MGAT4C: variants seen among roughly 807,000 people sequenced by gnomAD.
The protein encoded by MGAT4C is MGAT4 family member C, also known as alpha-1,3-mannosyl-glycoprotein 4-beta-N-acetylglucosaminyltransferase C.
In MGAT4C, 19 loss-of-function variants were observed where a neutral mutation model predicts 40.1. That is an observed-to-expected ratio of 0.47 (90% CI 0.33 to 0.70). MGAT4C has a LOEUF of 0.70. Ranked by LOEUF, MGAT4C falls within the 30% of genes least tolerant of loss-of-function variation. MGAT4C has a pLI of 0.02. For missense variants in MGAT4C, 491 were observed against 563.2 expected, an observed-to-expected ratio of 0.87 and a Z score of 1.30; for synonymous variants, 181 against 187.1, an observed-to-expected ratio of 0.97 and a Z score of 0.27.
At chr12:86,420,594 C>A (rs1434448063) in intron 3 of MGAT4C, among the ~76,000 whole-genome samples, 1 of 151,768 alleles carries the variant, frequency 6.6e-6, no homozygotes, top group Non-Finnish European at 1.5e-5. Context: ...AAGAAATAAA[C>A]CGTAGAAAAA....
chr12:86,318,811 A>C (rs1954306900), intron 4 of MGAT4C, among the ~76,000 whole-genome samples: 2 of 152,158 alleles, frequency 1.3e-5, no homozygotes, highest in African/African-American at 4.8e-5. Flanking sequence ...ATTATTTAGG[A>C]TCATCCCAGG....
intron 2 of MGAT4C, among the ~76,000 whole-genome samples, chr12:86,653,224 C>G (rs1447545268): frequency 6.6e-6 from 1 of 151,762 alleles, no homozygotes; most frequent in Non-Finnish European, 1.5e-5. Context: ...AAGTTTATTT[C>G]TCTCACATAC....
intron 3 of MGAT4C, among the ~76,000 whole-genome samples, chr12:86,357,303 C>A (rs894785667): frequency 6.6e-6 from 1 of 152,124 alleles, no homozygotes; most frequent in African/African-American, 2.4e-5. Flanking sequence ...AGGACATCCA[C>A]ACCAAAACCC....
chr12:86,141,890 A>T (rs1428581882), intron 1 of MGAT4C, among the ~76,000 whole-genome samples: 1 of 152,072 alleles, frequency 6.6e-6, no homozygotes, highest in Admixed American at 6.6e-5. Flanking sequence ...CCAAGAAGAG[A>T]CCCGACAAAA....
intron 2 of MGAT4C, among the ~76,000 whole-genome samples, chr12:86,585,380 C>T (rs1456721738): frequency 6.6e-6 from 1 of 151,258 alleles, no homozygotes; most frequent in East Asian, 1.9e-4. Flanking sequence ...ACTAGACATT[C>T]TTTTTGTCTA....
At chr12:86,052,128 T>C (rs1277709134) in intron 1 of MGAT4C, among the ~76,000 whole-genome samples, 1 of 151,790 alleles carries the variant, frequency 6.6e-6, no homozygotes, top group Non-Finnish European at 1.5e-5. Flanking sequence ...CATAATAAGA[T>C]AATTATACAT....
intron 2 of MGAT4C, among the ~76,000 whole-genome samples, chr12:86,479,605 T>A (rs1957900025): frequency 1.3e-5 from 2 of 151,968 alleles, no homozygotes; most frequent in African/African-American, 4.8e-5. Context: ...TCTTCCCAAA[T>A]TTGATTTAAA....
At chr12:86,531,878 A>G (rs886598704) in intron 2 of MGAT4C, among the ~76,000 whole-genome samples, 2 of 152,010 alleles carry the variant, frequency 1.3e-5, no homozygotes, top group Non-Finnish European at 2.9e-5. Context: ...TTTAATAAAC[A>G]TGAAATCCCT....
chr12:86,810,743 C>T (rs113356923), intron 1 of MGAT4C, among the ~76,000 whole-genome samples: 2,571 of 150,916 alleles, frequency 0.017, 31 homozygotes, highest in Middle Eastern at 0.055. Flanking sequence ...TTTTGAGATT[C>T]CTTATATATC....
Position 86,275,540 on chromosome 12 carries a change from A to G in MGAT4C, c.-57+58525T>C, listed in dbSNP as rs535255289. Among the ~76,000 whole-genome samples the G allele has an allele frequency of 5.9e-5, 9 of 152,204 alleles. No homozygotes were observed. In the South Asian group the frequency reaches 1.7e-3, roughly 28 times the overall value. On this transcript the variant is annotated intron_variant, in intron 4 of 7. Coordinates refer to the MGAT4C transcript ENST00000548651. The stretch of plus-strand genomic sequence containing the variant: ...TTACTTGGCAAAAGGAAAGTTGCAA[A>G]TATGATTAAGTCAAAGCTCTTGAGA...
intron 2 of MGAT4C, among the ~76,000 whole-genome samples, chr12:86,564,093 C>T (rs1218915044): frequency 6.6e-6 from 1 of 152,066 alleles, no homozygotes; most frequent in African/African-American, 2.4e-5. Context: ...TTGAAAGATG[C>T]AGGGGTGGTG....
chr12:86,336,847 A>G (rs1407944165), intron 3 of MGAT4C, among the ~76,000 whole-genome samples: 2 of 152,194 alleles, frequency 1.3e-5, no homozygotes, highest in African/African-American at 4.8e-5. Flanking sequence ...CAATATTTGT[A>G]TGCGAGTTCA....
chr12:86,156,399 C>T (rs894179893), intron 1 of MGAT4C, among the ~76,000 whole-genome samples: 6 of 151,976 alleles, frequency 3.9e-5, no homozygotes, highest in African/African-American at 1.2e-4. Flanking sequence ...CTCGGCTCAC[C>T]GCAACCTCCG....
chr12:86,508,473 G>A (rs1196097762), intron 2 of MGAT4C, among the ~76,000 whole-genome samples: 1 of 152,038 alleles, frequency 6.6e-6, no homozygotes, highest in African/African-American at 2.4e-5. Context: ...GGACATTTGG[G>A]TTGGTTCCAA....
chr12:86,147,961 T>C (rs1883769357), intron 1 of MGAT4C, among the ~76,000 whole-genome samples: 1 of 152,228 alleles, frequency 6.6e-6, no homozygotes, highest in South Asian at 2.1e-4. Flanking sequence ...GCCTCTTGAT[T>C]TCAGAACAAA....
At chr12:86,804,730 A>G (rs1457122634) in intron 1 of MGAT4C, among the ~76,000 whole-genome samples, 1 of 152,046 alleles carries the variant, frequency 6.6e-6, no homozygotes, top group Non-Finnish European at 1.5e-5. Flanking sequence ...TATCTAAGCC[A>G]TCAAAGAAAT....
intron 3 of MGAT4C, among the ~76,000 whole-genome samples, chr12:86,432,692 T>C (rs762705350): frequency 9.9e-5 from 15 of 152,088 alleles, no homozygotes; most frequent in Non-Finnish European, 2.1e-4. Context: ...TTATCAGCTA[T>C]AAGAAAAAGA....
intron 3 of MGAT4C, among the ~76,000 whole-genome samples, chr12:86,426,957 AAAG>A (rs1020128984): frequency 1.3e-5 from 2 of 152,002 alleles, no homozygotes; most frequent in Admixed American, 6.6e-5. Flanking sequence ...AAAAAAAGAA[AAAG>A]AAGAAGAGAG....
At chr12:86,451,658 A>C (rs968248110) in intron 2 of MGAT4C, among the ~76,000 whole-genome samples, 5 of 152,062 alleles carry the variant, frequency 3.3e-5, no homozygotes, top group Non-Finnish European at 5.9e-5. Flanking sequence ...TTCTCTTTCC[A>C]AAACACTGAG....
Sources: allele counts gnomAD v4.1 joint callset (sites outside exome capture counted in the v4.1 genomes callset), GRCh38; gene constraint gnomAD v4.1.1; transcripts MANE v1.5; gene names NCBI Gene and HGNC (gene_info 2026-07-23, HGNC 2026-07-21).